CSMD1: variants seen among roughly 807,000 people sequenced by gnomAD.
CSMD1 encodes the protein CUB and sushi domain-containing protein 1.
In CSMD1, 213 loss-of-function variants were observed where a neutral mutation model predicts 417.5. The ratio of observed to expected loss-of-function variants is 0.51; its 90% CI spans 0.46 to 0.57. CSMD1 has a LOEUF of 0.57. Among genes scored for constraint, CSMD1 ranks in the 20% least tolerant of loss-of-function variants. The pLI is 0.00. For synonymous variants in CSMD1, 2,862 were observed against 1,736.8 expected (o/e 1.65, Z -16.11); for missense variants, 6,923 against 4,529.7 (o/e 1.53, Z -15.17).
intron 2 of CSMD1, among the ~76,000 whole-genome samples, chr8:4,442,192 T>G (rs1342593612): frequency 2.6e-5 from 4 of 152,202 alleles, no homozygotes; most frequent in Non-Finnish European, 4.4e-5. Flanking sequence ...GACAATCTCC[T>G]GACAAATCTT....
At chr8:4,491,825 G>A (rs574857136) in intron 2 of CSMD1, among the ~76,000 whole-genome samples, 1 of 152,248 alleles carries the variant, frequency 6.6e-6, no homozygotes, top group Non-Finnish European at 1.5e-5. Flanking sequence ...TTCTTACAAA[G>A]CTAAACACAG....
At chr8:4,161,943 T>G (rs1797197556) in intron 3 of CSMD1, among the ~76,000 whole-genome samples, 1 of 152,224 alleles carries the variant, frequency 6.6e-6, no homozygotes, top group African/African-American at 2.4e-5. Context: ...ATTCAGTAAG[T>G]ATAGTACACA....
intron 37 of CSMD1, among the ~76,000 whole-genome samples, chr8:3,173,531 G>A (rs1008714815): frequency 3.9e-5 from 6 of 152,160 alleles, no homozygotes; most frequent in Non-Finnish European, 7.3e-5. Flanking sequence ...ATGAATATGT[G>A]GAAAAAGATC....
intron 1 of CSMD1, among the ~76,000 whole-genome samples, chr8:4,655,383 A>G (rs1037914747): frequency 2.0e-5 from 3 of 152,052 alleles, no homozygotes; most frequent in African/African-American, 4.8e-5. Context: ...ACCAAACAAA[A>G]CTAAGTGATA....
intron 2 of CSMD1, among the ~76,000 whole-genome samples, chr8:4,507,929 G>C (rs753054198): frequency 2.6e-5 from 4 of 152,068 alleles, no homozygotes; most frequent in Non-Finnish European, 5.9e-5. Context: ...AATAGGCAGT[G>C]AAAATAGTAT....
intron 52 of CSMD1, among the ~76,000 whole-genome samples, chr8:3,006,282 C>G (rs879429681): frequency 3.4e-4 from 52 of 151,722 alleles, no homozygotes; most frequent in South Asian, 1.3e-3. Flanking sequence ...AGGATACAAA[C>G]AAACGGAAGA....
At chr8:3,634,192 G>T (rs1451014879) in intron 7 of CSMD1, among the ~76,000 whole-genome samples, 3 of 152,134 alleles carry the variant, frequency 2.0e-5, no homozygotes, top group African/African-American at 7.2e-5. Flanking sequence ...TTTACCTGGG[G>T]ACCTTAGGCC....
At chr8:3,576,074 C>T in intron 9 of CSMD1, among the ~76,000 whole-genome samples, 1 of 152,064 alleles carries the variant, frequency 6.6e-6, no homozygotes, top group Non-Finnish European at 1.5e-5. Context: ...AGCCCATCCT[C>T]TATTTTTTCA....
At chr8:4,190,477 C>T (rs74482965) in intron 3 of CSMD1, among the ~76,000 whole-genome samples, 2,838 of 151,050 alleles carry the variant, frequency 0.019, 100 homozygotes, top group African/African-American at 0.064. Flanking sequence ...TAGAGTATTT[C>T]GTAAGTTAAC....
intron 45 of CSMD1, chr8:3,107,062 G>C (rs995034942): frequency 2.5e-5 from 4 of 156,872 alleles, no homozygotes; most frequent in African/African-American, 7.2e-5. Context: ...GCCAGGGTGA[G>C]GACAGCAGAA....
At chr8:4,314,999 C>G (rs1798840569) in intron 3 of CSMD1, among the ~76,000 whole-genome samples, 2 of 152,132 alleles carry the variant, frequency 1.3e-5, no homozygotes, top group Admixed American at 1.3e-4. Context: ...ATAGTACTGA[C>G]AGCCCCAGCC....
chr8:4,919,885 G>T (rs1428540133), intron 1 of CSMD1, among the ~76,000 whole-genome samples: 1 of 152,058 alleles, frequency 6.6e-6, no homozygotes, highest in East Asian at 1.9e-4. Context: ...TCCCTCCAGA[G>T]GGTGCAGCAA....
At chr8:3,590,127 A>G (rs1273907468) in intron 8 of CSMD1, among the ~76,000 whole-genome samples, 1 of 152,160 alleles carries the variant, frequency 6.6e-6, no homozygotes, top group Non-Finnish European at 1.5e-5. Flanking sequence ...TAATATAGAA[A>G]AAGAAAAAAG....
At chr8:3,884,643 G>A (rs748724302) in intron 5 of CSMD1, among the ~76,000 whole-genome samples, 1 of 152,094 alleles carries the variant, frequency 6.6e-6, no homozygotes, top group African/African-American at 2.4e-5. Context: ...GTTACTTAAT[G>A]TTGACCAATA....
intron 2 of CSMD1, among the ~76,000 whole-genome samples, chr8:4,585,659 A>G (rs946454453): frequency 1.3e-5 from 2 of 152,238 alleles, no homozygotes; most frequent in Non-Finnish European, 2.9e-5. Context: ...TAAAAGTTAC[A>G]GAAGATTTTG....
intron 1 of CSMD1, among the ~76,000 whole-genome samples, chr8:4,813,143 C>A (rs1030767838): frequency 1.3e-5 from 2 of 152,010 alleles, no homozygotes; most frequent in African/African-American, 4.8e-5. Flanking sequence ...TCGCTAAATC[C>A]CTGACAAAAG....
chr8:4,835,102 C>G lies in CSMD1; in HGVS notation c.85+159230G>C, dbSNP rs111999264. On this transcript the variant is annotated intron_variant, in intron 1 of 69. Coordinates refer to ENST00000635120, the MANE Select transcript of CSMD1 (RefSeq NM_033225.6). ...TCACTGCCCTATAGATATTAGAAAC[C>G]TGGGAATCATTTATTATTAAGGCGG... Among the ~76,000 whole-genome samples, 594 of 150,816 alleles carry G rather than the reference C, an allele frequency of 3.9e-3. 3 individuals are homozygous for G. The highest frequency in any genetic ancestry group is 0.014 in the African/African-American group (576 of 41,076).
At chr8:4,561,699 G>C (rs1023539848) in intron 2 of CSMD1, among the ~76,000 whole-genome samples, 5 of 152,118 alleles carry the variant, frequency 3.3e-5, no homozygotes, top group African/African-American at 1.2e-4. Context: ...AAAAAAGAGA[G>C]ACAGAGAGAA....
chr8:4,416,208 G>C (rs182693698), intron 3 of CSMD1, among the ~76,000 whole-genome samples: 5 of 152,240 alleles, frequency 3.3e-5, no homozygotes, highest in Admixed American at 2.6e-4. Context: ...ATTCAGAGCT[G>C]CTGCTTTCTA....
Sources: allele counts gnomAD v4.1 joint callset (sites outside exome capture counted in the v4.1 genomes callset), GRCh38; gene constraint gnomAD v4.1.1; transcripts MANE v1.5; gene names NCBI Gene and HGNC (gene_info 2026-07-23, HGNC 2026-07-21).